Variants in CNTN6 observed in about 807,000 individuals in gnomAD.
The protein encoded by CNTN6 is contactin 6.
A neutral mutation model predicts 122.8 loss-of-function variants in CNTN6; 137 were observed. The ratio of observed to expected loss-of-function variants is 1.12; its 90% CI spans 0.97 to 1.29. The LOEUF is 1.29. CNTN6 is among the 50% of genes most tolerant of loss of function. The pLI is 0.00. For synonymous variants in CNTN6, 570 were observed against 426.0 expected (o/e 1.34, Z -4.16); for missense variants, 1,634 against 1,223.4 (o/e 1.34, Z -5.01).
At chr3:1,223,377 A>G (rs2094235041) in intron 3 of CNTN6, among the ~76,000 whole-genome samples, 1 of 152,228 alleles carries the variant, frequency 6.6e-6, no homozygotes, top group Admixed American at 6.5e-5. Flanking sequence ...TAAATTCCAT[A>G]CAGCAAATGA....
intron 4 of CNTN6, among the ~76,000 whole-genome samples, chr3:1,250,057 T>C (rs1349618202): frequency 6.6e-6 from 1 of 152,222 alleles, no homozygotes; most frequent in Non-Finnish European, 1.5e-5. Flanking sequence ...TTAAAATTTA[T>C]GATATTCCTC....
chr3:1,098,805 T>C (rs1451103107), intron 1 of CNTN6, among the ~76,000 whole-genome samples: 1 of 130,504 alleles, frequency 7.7e-6, no homozygotes, highest in East Asian at 2.1e-4. Context: ...TATATATATA[T>C]ATATATATAT....
intron 11 of CNTN6, among the ~76,000 whole-genome samples, chr3:1,335,265 T>C (rs155404): frequency 0.011 from 1,661 of 152,240 alleles, 34 homozygotes; most frequent in African/African-American, 0.038. Context: ...ATTGGATGTA[T>C]TTGTTGCTGT....
intron 1 of CNTN6, among the ~76,000 whole-genome samples, chr3:1,102,893 A>G (rs11928809): frequency 0.11 from 16,152 of 145,678 alleles, 1,434 homozygotes; most frequent in African/African-American, 0.24. Flanking sequence ...GGATCACGAG[A>G]TCAGGAGATC....
chr3:1,380,105 G>A (rs1710445827), intron 17 of CNTN6, among the ~76,000 whole-genome samples: 4 of 152,212 alleles, frequency 2.6e-5, no homozygotes, highest in Non-Finnish European at 5.9e-5. Context: ...TGACTTGGAA[G>A]TAGAGAGGCC....
intron 2 of CNTN6, among the ~76,000 whole-genome samples, chr3:1,184,950 T>C (rs1164382154): frequency 2.0e-5 from 3 of 152,142 alleles, no homozygotes; most frequent in African/African-American, 7.2e-5. Flanking sequence ...TTTACAGCAT[T>C]AGGAACAAGC....
rs530232912 is a variant in CNTN6 at position 1,386,684 on chromosome 3, CTTTTTAAAACACATTTT to C, written c.2704+891_2704+907del. Among the ~76,000 whole-genome samples the C allele has an allele frequency of 3.1e-3, 470 of 152,108 alleles. 1 individual carries two copies. The highest frequency in any genetic ancestry group is 0.01 in the African/African-American group (429 of 41,460). Reference sequence around the variant, plus strand: ...AACACAAATTATTCATAAAATCAGACTTTTTAAAACACATTTTTTTGCTCTCTGAATCCTGATGAATG... The same window carrying C: ...AACACAAATTATTCATAAAATCAGACTTTGCTCTCTGAATCCTGATGAATG... On this transcript the variant is annotated intron_variant, in intron 20 of 22. Transcript: ENST00000446702.
rs768781717 is a variant in CNTN6 at position 1,352,394 on chromosome 3, T to G, written c.1435T>G (p.Cys479Gly). ...ITRSDAGSYT[C>G]IATNQFGTAK... is the part of the protein sequence containing the mutation. ...CAGGTCAGATGCTGGATCATATACATGCATAGCCACAAATCAGTTTGGCAC... is the reference window on the plus strand; with the variant it reads ...CAGGTCAGATGCTGGATCATATACAGGCATAGCCACAAATCAGTTTGGCAC... Residue 479 changes from cysteine (C) to glycine (G), a missense_variant, in exon 12 of 23, where the codon TGC (cysteine) becomes GGC (glycine). Transcript: ENST00000446702. 2 of 1,608,542 alleles carry G rather than the reference T, an allele frequency of 1.2e-6. No individual in the cohort carries two copies.
intron 11 of CNTN6, among the ~76,000 whole-genome samples, chr3:1,348,157 C>CAAAAAAAAAAAAAAAA (rs532282828): frequency 0.074 from 4,710 of 63,684 alleles, 615 homozygotes; most frequent in Non-Finnish European, 0.088. Flanking sequence ...ATGCTATAGA[C>CAAAAAAAAAAAAAAAA]AAAAAAAAAA....
At chr3:1,132,658 A>AAAT (rs2092368183) in intron 1 of CNTN6, among the ~76,000 whole-genome samples, 1 of 144,402 alleles carries the variant, frequency 6.9e-6, no homozygotes, top group Non-Finnish European at 1.5e-5. Context: ...CTCTGTCTAA[A>AAAT]AAATAAATAA....
intron 11 of CNTN6, among the ~76,000 whole-genome samples, chr3:1,337,018 A>G (rs1229397819): frequency 1.3e-5 from 2 of 152,204 alleles, no homozygotes; most frequent in African/African-American, 4.8e-5. Flanking sequence ...TTATTGAGCA[A>G]GTCACTGGAT....
At chr3:1,215,334 T>C (rs1326796874) in intron 2 of CNTN6, among the ~76,000 whole-genome samples, 2 of 152,226 alleles carry the variant, frequency 1.3e-5, no homozygotes, top group Non-Finnish European at 2.9e-5. Context: ...TCCTCATTGT[T>C]TTATTATCTG....
intron 1 of CNTN6, among the ~76,000 whole-genome samples, chr3:1,117,049 A>T (rs1238106870): frequency 6.6e-6 from 1 of 152,162 alleles, no homozygotes. Flanking sequence ...TCACCGTGTC[A>T]TAGACATTAT....
intron 7 of CNTN6, among the ~76,000 whole-genome samples, chr3:1,318,074 A>G (rs536535624): frequency 1.3e-5 from 2 of 151,804 alleles, no homozygotes; most frequent in African/African-American, 4.8e-5. Flanking sequence ...ATTGAGAAAG[A>G]AGAAAAAAAG....
chr3:1,247,578 T>C (rs1278499017), intron 4 of CNTN6, among the ~76,000 whole-genome samples: 1 of 152,156 alleles, frequency 6.6e-6, no homozygotes, highest in South Asian at 2.1e-4. Flanking sequence ...TTTAAAAAGC[T>C]TTAGAATTAG....
At chr3:1,209,678 C>T (rs1000787264) in intron 2 of CNTN6, among the ~76,000 whole-genome samples, 1 of 98,692 alleles carries the variant, frequency 1.0e-5, no homozygotes, top group Non-Finnish European at 1.8e-5. Context: ...AGTCTCCCAT[C>T]CCAGCCCTTA....
At chr3:1,376,866 T>G (rs941259019) in intron 16 of CNTN6, 139 bp from the exon 17 acceptor site, 3 of 564,100 alleles carry the variant, frequency 5.3e-6, no homozygotes, top group Non-Finnish European at 9.5e-6. Flanking sequence ...TAAACATAAT[T>G]TACGTTCATT....
intron 1 of CNTN6, among the ~76,000 whole-genome samples, chr3:1,118,930 A>G (rs1386717178): frequency 6.6e-6 from 1 of 152,160 alleles, no homozygotes; most frequent in African/African-American, 2.4e-5. Flanking sequence ...TTATTTACAA[A>G]TGTAATCTCT....
At chr3:1,230,807 T>C (rs1210919879) in intron 4 of CNTN6, among the ~76,000 whole-genome samples, 1 of 152,224 alleles carries the variant, frequency 6.6e-6, no homozygotes, top group Admixed American at 6.5e-5. Flanking sequence ...TCTCAAACAC[T>C]GACCACACAG....
Sources: allele counts gnomAD v4.1 joint callset (sites outside exome capture counted in the v4.1 genomes callset), GRCh38; gene constraint gnomAD v4.1.1; transcripts MANE v1.5; gene names NCBI Gene and HGNC (gene_info 2026-07-23, HGNC 2026-07-21).